Variants in TMCC1 observed in about 807,000 individuals in gnomAD.
TMCC1 encodes the protein transmembrane and coiled-coil domains protein 1.
TMCC1 carries 15 observed loss-of-function variants against 52.4 expected under a neutral mutation model. The observed-to-expected ratio is 0.29, with a 90% CI of 0.19 to 0.44. The LOEUF is 0.44. Among genes scored for constraint, TMCC1 ranks in the 20% least tolerant of loss-of-function variants. TMCC1 has a pLI of 1.00. For missense variants in TMCC1, 503 were observed against 806.0 expected (o/e 0.62, Z 4.55); for synonymous variants, 279 against 301.9 (o/e 0.92, Z 0.79).
intron 4 of TMCC1, among the ~76,000 whole-genome samples, chr3:129,761,222 G>C (rs1387454394): frequency 6.6e-6 from 1 of 152,022 alleles, no homozygotes; most frequent in Non-Finnish European, 1.5e-5. Flanking sequence ...CAGCTACTCG[G>C]GAGGGTGAGG....
At chr3:129,743,932 G>GT (rs2051687341) in intron 4 of TMCC1, among the ~76,000 whole-genome samples, 1 of 147,768 alleles carries the variant, frequency 6.8e-6, no homozygotes, top group Non-Finnish European at 1.5e-5. Context: ...AAGTGCACTT[G>GT]TTTAAAAAAA....
chr3:129,848,119 T>A (rs562344879), intron 2 of TMCC1, among the ~76,000 whole-genome samples: 1 of 152,242 alleles, frequency 6.6e-6, no homozygotes, highest in African/African-American at 2.4e-5. Flanking sequence ...ACTTTTTCAT[T>A]TTCTTAAAGG....
chr3:129,657,776 G>A (rs1485387331), intron 5 of TMCC1, among the ~76,000 whole-genome samples: 1 of 152,186 alleles, frequency 6.6e-6, no homozygotes, highest in Non-Finnish European at 1.5e-5. Context: ...TGAGGGCATG[G>A]AGAAATCTAA....
At chr3:129,717,542 G>A (rs934202185) in intron 4 of TMCC1, among the ~76,000 whole-genome samples, 7 of 152,074 alleles carry the variant, frequency 4.6e-5, no homozygotes, top group Non-Finnish European at 8.8e-5. Flanking sequence ...ATGGCTGATG[G>A]ACACCTGAAA....
chr3:129,669,714 TAATATG>T (rs2087762878), intron 5 of TMCC1, among the ~76,000 whole-genome samples: 1 of 152,214 alleles, frequency 6.6e-6, no homozygotes. Context: ...AAGAGTGGTC[TAATATG>T]AATATGTAGT....
At chr3:129,854,324 G>A (rs138046057) in intron 2 of TMCC1, among the ~76,000 whole-genome samples, 9 of 151,576 alleles carry the variant, frequency 5.9e-5, no homozygotes, top group Non-Finnish European at 1.2e-4. Flanking sequence ...CCTGGGAGGC[G>A]GAAGGGTGAG....
At chr3:129,843,664 A>AAT (rs2059526978) in intron 2 of TMCC1, among the ~76,000 whole-genome samples, 1 of 152,068 alleles carries the variant, frequency 6.6e-6, no homozygotes, top group African/African-American at 2.4e-5. Flanking sequence ...TATGACATGA[A>AAT]CTACAAAAAA....
At chr3:129,821,541 A>T (rs570790218) in intron 4 of TMCC1, among the ~76,000 whole-genome samples, 1 of 152,332 alleles carries the variant, frequency 6.6e-6, no homozygotes, top group East Asian at 1.9e-4. Flanking sequence ...AGTTCATTTT[A>T]TGAGTTCATT....
chr3:129,808,246 G>T (rs2057579926), intron 4 of TMCC1, among the ~76,000 whole-genome samples: 1 of 152,034 alleles, frequency 6.6e-6, no homozygotes, highest in African/African-American at 2.4e-5. Context: ...ACTTTGGGAG[G>T]CCAATGCAGG....
At position 129,835,784 on chromosome 3, in the gene TMCC1, T is replaced by C. The variant is rs571671466; in HGVS notation, c.-183-2958A>G. 2.0e-5 allele frequency among the ~76,000 whole-genome samples: 3 copies of C among 152,286 alleles called. No homozygotes were observed. In the South Asian group the frequency reaches 6.2e-4, roughly 32 times the overall value. ...ACAGGTAACTGGTAACTAATGTTAC[T>C]CCAGAGGGAAAACAAACACACTAAA... On this transcript the variant is annotated intron_variant, in intron 2 of 6. Transcript: ENST00000393238.
chr3:129,842,169 C>A lies in TMCC1; in HGVS notation c.-183-9343G>T, dbSNP rs1372861010. Among the ~76,000 whole-genome samples the A allele has an allele frequency of 2.0e-5, 3 of 152,170 alleles. No homozygotes were observed. In the East Asian group the frequency reaches 5.8e-4, roughly 29 times the overall value. ...CAGTTAACCCTTAGTAATTGATAAA[C>A]CAAGTAAGCAGATTGGCCAGGCATA... On this transcript the variant is annotated intron_variant, in intron 2 of 6. Coordinates refer to ENST00000393238, the MANE Select transcript of TMCC1 (RefSeq NM_001017395.5).
At chr3:129,749,947 T>A (rs1225928488) in intron 4 of TMCC1, among the ~76,000 whole-genome samples, 1 of 152,144 alleles carries the variant, frequency 6.6e-6, no homozygotes, top group African/African-American at 2.4e-5. Context: ...GACCTCTAAA[T>A]GGTTAAGTTC....
chr3:129,864,248 C>T (rs1416523594), intron 2 of TMCC1, among the ~76,000 whole-genome samples: 1 of 152,104 alleles, frequency 6.6e-6, no homozygotes, highest in East Asian at 1.9e-4. Context: ...TAAAGTTGGA[C>T]TAGGTCTGAG....
intron 2 of TMCC1, among the ~76,000 whole-genome samples, chr3:129,864,226 G>A (rs2060522904): frequency 6.6e-6 from 1 of 152,088 alleles, no homozygotes; most frequent in Non-Finnish European, 1.5e-5. Flanking sequence ...TCTTATTTCA[G>A]TCATAAAATT....
In TMCC1 at chr3:129,650,235, G is replaced by C. The variant is rs1284093421; in HGVS notation, c.*1246C>G. The C allele has an allele frequency of 6.8e-6, 1 of 147,704 alleles. No homozygotes were observed. The highest frequency in any genetic ancestry group is 1.5e-5 in the Non-Finnish European group (1 of 67,422). 9.1% of individuals were successfully genotyped at this position (147,704 alleles called of 1,614,324 possible). A position where few individuals can be genotyped will look rare whatever the true frequency, so the allele number is the denominator to read the frequency against. On this transcript the variant is annotated 3_prime_UTR_variant, in exon 7 of 7. Transcript: ENST00000393238. The stretch of plus-strand genomic sequence containing the variant: ...TCTTATAGTCTCAACTTTTCCTAAA[G>C]ACAACCCCAGCCCAAGATCACTGGG...
intron 4 of TMCC1, among the ~76,000 whole-genome samples, chr3:129,748,523 G>C (rs2052197044): frequency 6.6e-6 from 1 of 151,994 alleles, no homozygotes; most frequent in African/African-American, 2.4e-5. Context: ...CCTGACCTCA[G>C]GCAATCCACC....
chr3:129,835,052 C>T (rs1026423992), intron 2 of TMCC1, among the ~76,000 whole-genome samples: 3 of 152,154 alleles, frequency 2.0e-5, no homozygotes, highest in Non-Finnish European at 4.4e-5. Flanking sequence ...TTTCTCTACT[C>T]TCTCACCACC....
At chr3:129,724,413 A>T (rs2107601291) in intron 4 of TMCC1, among the ~76,000 whole-genome samples, 1 of 152,354 alleles carries the variant, frequency 6.6e-6, no homozygotes, top group South Asian at 2.1e-4. Context: ...TTTGATCTGT[A>T]TCATAAACAA....
intron 1 of TMCC1, among the ~76,000 whole-genome samples, chr3:129,887,645 G>C (rs373317048): frequency 4.0e-5 from 6 of 150,242 alleles, no homozygotes; most frequent in African/African-American, 1.2e-4. Flanking sequence ...TTAAAAAAAA[G>C]ACCACTCAAA....
Sources: gnomAD v4.1 joint callset for allele counts (sites outside exome capture counted in the v4.1 genomes callset) on GRCh38, gnomAD v4.1.1 for gene constraint, MANE v1.5 for transcripts, NCBI Gene and HGNC (gene_info 2026-07-23, HGNC 2026-07-21) for gene names.